ZNF469: variants seen among roughly 807,000 people sequenced by gnomAD.
ZNF469 encodes the protein zinc finger protein 469.
Under a neutral mutation model 1.0 loss-of-function variants are expected in ZNF469, and 1 was observed. The ratio of observed to expected loss-of-function variants is 1.00; its 90% CI spans 0.35 to 4.73. The LOEUF (loss-of-function observed/expected upper bound fraction) is 4.73, where lower values mean the gene tolerates loss of function less well. Ranked by LOEUF, ZNF469 falls within the 30% of genes most tolerant of loss-of-function variation. ZNF469 has a pLI of 0.16. For synonymous variants in ZNF469, 2,703 were observed against 2,363.4 expected, an observed-to-expected ratio of 1.14 and a Z score of -4.17; for missense variants, 6,100 against 5,356.3, an observed-to-expected ratio of 1.14 and a Z score of -4.33.
At chr16:88,354,027 T>TAA in the ZNF469 span, among the ~76,000 whole-genome samples, 1 of 152,194 alleles carries the variant, frequency 6.6e-6, no homozygotes, top group Non-Finnish European at 1.5e-5. Flanking sequence ...AGCTGGAATG[T>TAA]AAGGACACAG....
chr16:88,386,681 C>T (rs1458810861), intron 1 of ZNF469, among the ~76,000 whole-genome samples: 1 of 152,200 alleles, frequency 6.6e-6, no homozygotes, highest in African/African-American at 2.4e-5. Flanking sequence ...AGAGACCAGC[C>T]GCTTCCAGGT....
chr16:88,315,708 G>C, the ZNF469 span, among the ~76,000 whole-genome samples: 1 of 152,174 alleles, frequency 6.6e-6, no homozygotes, highest in Non-Finnish European at 1.5e-5. Context: ...TCACTCAGCC[G>C]ATCAGCTTCT....
chr16:88,130,018 G>C, the ZNF469 span, among the ~76,000 whole-genome samples: 1 of 151,912 alleles, frequency 6.6e-6, no homozygotes, highest in Non-Finnish European at 1.5e-5. Context: ...GGTGGCAGAA[G>C]TTTCTGTAGT....
intron 1 of ZNF469, among the ~76,000 whole-genome samples, chr16:88,386,200 G>A (rs1332858920): frequency 6.6e-6 from 1 of 152,106 alleles, no homozygotes; most frequent in African/African-American, 2.4e-5. Context: ...TGCAGGGTGG[G>A]GAGGAGACCT....
At chr16:88,163,744 G>A in the ZNF469 span, among the ~76,000 whole-genome samples, 1 of 151,868 alleles carries the variant, frequency 6.6e-6, no homozygotes, top group African/African-American at 2.4e-5. Flanking sequence ...TGCATGAGAG[G>A]ATGGGTAAGT....
At chr16:88,244,308 G>A in the ZNF469 span, among the ~76,000 whole-genome samples, 2 of 151,624 alleles carry the variant, frequency 1.3e-5, no homozygotes, top group Non-Finnish European at 2.9e-5. Flanking sequence ...TGGGTGAGTG[G>A]ATGGTTGGAT....
At chr16:88,185,949 G>GCACA in the ZNF469 span, among the ~76,000 whole-genome samples, 1 of 150,456 alleles carries the variant, frequency 6.6e-6, no homozygotes, top group Non-Finnish European at 1.5e-5. Context: ...TATAGTACAT[G>GCACA]CACACACACA....
chr16:88,111,194 G>C, the ZNF469 span, among the ~76,000 whole-genome samples: 1 of 152,212 alleles, frequency 6.6e-6, no homozygotes, highest in Non-Finnish European at 1.5e-5. Context: ...CGTGAGGAAG[G>C]CCTTTTGAAC....
the ZNF469 span, among the ~76,000 whole-genome samples, chr16:88,271,397 A>C: frequency 3.8e-4 from 51 of 132,984 alleles, 4 homozygotes; most frequent in African/African-American, 1.2e-3. Context: ...AAGGTGGCCT[A>C]GACTAGAACA....
At chr16:88,365,322 A>G in the ZNF469 span, among the ~76,000 whole-genome samples, 1 of 152,128 alleles carries the variant, frequency 6.6e-6, no homozygotes, top group African/African-American at 2.4e-5. Flanking sequence ...TGTTGGCTCC[A>G]CCCATGGCTC....
At chr16:88,383,838 C>A (rs774328744) in intron 1 of ZNF469, among the ~76,000 whole-genome samples, 4 of 152,158 alleles carry the variant, frequency 2.6e-5, no homozygotes. Flanking sequence ...CACGCCGCAC[C>A]CCCGCCCAGC....
upstream of ZNF469, among the ~76,000 whole-genome samples, chr16:88,380,318 CT>C (rs1258661286): frequency 7.3e-6 from 1 of 136,794 alleles, no homozygotes; most frequent in Non-Finnish European, 1.5e-5. Flanking sequence ...CAGACATGCA[CT>C]CACACATGCA....
the ZNF469 span, among the ~76,000 whole-genome samples, chr16:88,161,419 G>A: frequency 3.9e-5 from 6 of 152,168 alleles, no homozygotes; most frequent in East Asian, 3.8e-4. Flanking sequence ...CAGTAGAAGC[G>A]GATGTTTCAG....
rs1349184831 is a variant in ZNF469, at chr16:88,431,711, G to C, written c.4241G>C (p.Cys1414Ser). ...GATGCCCCGCCGGCCAGCAGCTCCT[G>C]CCTTTGCCAGGACGGCGAGGATGCC... ...ARDAPPASSS[C>S]LCQDGEDAGS... Residue 1414 changes from cysteine to serine, a missense_variant, in exon 3 of 3, where the codon TGC becomes TCC. Cys to Ser is a moderately radical substitution (Grantham distance 112). Transcript: ENST00000565624. 1 of 1,550,358 alleles carries C rather than the reference G, an allele frequency of 6.5e-7. No homozygotes were observed. The highest frequency in any genetic ancestry group is 2.0e-5 in the Admixed American group (1 of 51,016).
At chr16:88,306,103 G>T in the ZNF469 span, among the ~76,000 whole-genome samples, 2 of 152,268 alleles carry the variant, frequency 1.3e-5, no homozygotes, top group African/African-American at 4.8e-5. Context: ...CAACAGGTGT[G>T]TTGTGGGCCT....
chr16:88,108,031 G>A, the ZNF469 span, among the ~76,000 whole-genome samples: 2 of 152,252 alleles, frequency 1.3e-5, no homozygotes, highest in African/African-American at 2.4e-5. Flanking sequence ...GGTGGATGCA[G>A]GGTAGAGAAG....
the ZNF469 span, among the ~76,000 whole-genome samples, chr16:88,340,230 G>A: frequency 2.6e-5 from 4 of 152,190 alleles, no homozygotes; most frequent in Non-Finnish European, 4.4e-5. Context: ...CAGAGCAGGG[G>A]GAGCCTGTTG....
rs1906159016 is a variant in ZNF469 at position 88,431,273 on chromosome 16, C to T, written c.3803C>T (p.Pro1268Leu). The change falls in exon 3 of 3, where the codon CCG (proline) becomes CTG (leucine). Residue 1268 changes from proline (P) to leucine (L), a missense_variant. Transcript: ENST00000565624. Reference sequence around the variant, plus strand: ...CCCGGTCTCCTGATACCAGAGCAGCCGCCGCCCAGCAGACATGACACCGGC... The same window carrying T: ...CCCGGTCTCCTGATACCAGAGCAGCTGCCGCCCAGCAGACATGACACCGGC... ...ASPGLLIPEQ[P>L]PPSRHDTGTP... is the part of the protein sequence containing the mutation. 6.5e-7 allele frequency: 1 copy of T among 1,550,342 alleles called. No individual in the cohort carries two copies. Among genetic ancestry groups the T allele is most frequent in the Non-Finnish European group, 8.7e-7 (1 of 1,146,964 alleles).
the ZNF469 span, among the ~76,000 whole-genome samples, chr16:88,245,723 T>C: frequency 7.2e-5 from 11 of 152,276 alleles, no homozygotes; most frequent in African/African-American, 2.4e-4. Flanking sequence ...TTAGGCCATT[T>C]CTTCAGATCA....
Sources: gnomAD v4.1 joint callset for allele counts (sites outside exome capture counted in the v4.1 genomes callset) on GRCh38, gnomAD v4.1.1 for gene constraint, MANE v1.5 for transcripts, NCBI Gene and HGNC (gene_info 2026-07-23, HGNC 2026-07-21) for gene names.